Variants in KIF26B observed in about 807,000 individuals in gnomAD.
KIF26B encodes the protein kinesin-like protein KIF26B.
A neutral mutation model predicts 151.2 loss-of-function variants in KIF26B; 63 were observed. That is an observed-to-expected ratio of 0.42 (90% confidence interval 0.34 to 0.51). KIF26B has a LOEUF of 0.51. Among genes scored for constraint, KIF26B ranks in the 20% least tolerant of loss-of-function variants. The probability of loss-of-function intolerance (pLI) is 0.07; values close to 1 mark genes in which losing one functional copy is unlikely to be tolerated. For missense variants in KIF26B, 2,813 were observed against 2,913.6 expected (o/e 0.97, Z 0.79); for synonymous variants, 1,357 against 1,262.1 (o/e 1.08, Z -1.59).
At chr1:245,258,441 G>A (rs1670579268) in intron 2 of KIF26B, among the ~76,000 whole-genome samples, 1 of 152,202 alleles carries the variant, frequency 6.6e-6, no homozygotes, top group Admixed American at 6.5e-5. Context: ...CTCTCACCAA[G>A]CTTCCTTTGC....
intron 4 of KIF26B, among the ~76,000 whole-genome samples, chr1:245,501,332 A>G (rs1178777405): frequency 6.6e-6 from 1 of 152,190 alleles, no homozygotes; most frequent in Non-Finnish European, 1.5e-5. Flanking sequence ...AGTCGTAATG[A>G]GGGTTAAATA....
At chr1:245,359,413 C>G (rs1324707204) in intron 2 of KIF26B, among the ~76,000 whole-genome samples, 1 of 152,164 alleles carries the variant, frequency 6.6e-6, no homozygotes, top group African/African-American at 2.4e-5. Context: ...AATCGAACAT[C>G]TAGCAAAGCC....
intron 2 of KIF26B, among the ~76,000 whole-genome samples, chr1:245,206,112 G>T (rs115387275): frequency 1.3e-5 from 2 of 152,104 alleles, no homozygotes; most frequent in Non-Finnish European, 2.9e-5. Flanking sequence ...GTCCCTCTTT[G>T]TTGACTCATA....
chr1:245,373,969 G>A (rs1400341913), intron 3 of KIF26B, among the ~76,000 whole-genome samples: 1 of 145,208 alleles, frequency 6.9e-6, no homozygotes, highest in African/African-American at 2.5e-5. Context: ...GAGGCGAGAG[G>A]GTTCCTTGAG....
intron 5 of KIF26B, among the ~76,000 whole-genome samples, chr1:245,556,235 CTT>C (rs1208525500): frequency 6.7e-5 from 10 of 149,838 alleles, no homozygotes; most frequent in Non-Finnish European, 1.5e-4. Context: ...TCTTCTTCTT[CTT>C]CTTCCTCCTT....
chr1:245,241,688 G>A lies in KIF26B; in HGVS notation c.465+85005G>A, dbSNP rs924272793. Among the ~76,000 whole-genome samples, 2 of 152,198 alleles carry A rather than the reference G, an allele frequency of 1.3e-5. No individual in the cohort carries two copies. The highest frequency in any genetic ancestry group is 2.9e-5 in the Non-Finnish European group (2 of 68,028). On this transcript the variant is annotated intron_variant, in intron 2 of 14. Transcript: ENST00000407071. The surrounding 1 kb of genome is among the most constrained non-coding windows in gnomAD (Gnocchi z 5.0). Reference sequence around the variant, plus strand: ...CCACGGGAACAGCTGCTATGGCGGCGGACACAGCCCCGTCCAGGGCCCATG... The same window carrying A: ...CCACGGGAACAGCTGCTATGGCGGCAGACACAGCCCCGTCCAGGGCCCATG...
rs1317126847 is a variant in KIF26B at position 245,176,012 on chromosome 1, A to G, written c.465+19329A>G. Among the ~76,000 whole-genome samples, 7 of 150,514 alleles carry G rather than the reference A, an allele frequency of 4.7e-5. No homozygotes were observed. The East Asian group carries it at 1.4e-3, about 29-fold the overall frequency. ...GATATAGATATATAGATATAGATAT[A>G]GATATTTTTTTTGAGACAGAGTCTC... is the stretch of plus-strand genomic sequence containing the variant. On this transcript the variant is annotated intron_variant, in intron 2 of 14. Transcript: ENST00000407071.
chr1:245,233,008 T>G (rs992297389), intron 2 of KIF26B, among the ~76,000 whole-genome samples: 1 of 152,230 alleles, frequency 6.6e-6, no homozygotes, highest in Admixed American at 6.5e-5. Flanking sequence ...AGTTGAAATA[T>G]ATTTGCTATC....
At chr1:245,613,469 G>A (rs1027796836) in intron 9 of KIF26B, among the ~76,000 whole-genome samples, 1 of 152,192 alleles carries the variant, frequency 6.6e-6, no homozygotes, top group Non-Finnish European at 1.5e-5. Context: ...TGGGCGTGGT[G>A]GCACACACCT....
chr1:245,189,024 A>G (rs1669049273), intron 2 of KIF26B, among the ~76,000 whole-genome samples: 1 of 152,224 alleles, frequency 6.6e-6, no homozygotes, highest in Non-Finnish European at 1.5e-5. Flanking sequence ...AGGAAGTAGA[A>G]TGGTGGTTGT....
At chr1:245,387,323 C>T (rs542689030) in intron 3 of KIF26B, among the ~76,000 whole-genome samples, 2 of 152,126 alleles carry the variant, frequency 1.3e-5, no homozygotes, top group South Asian at 4.1e-4. Flanking sequence ...CATCACCCTA[C>T]CTGGCAAATT....
At chr1:245,638,634 T>C (rs2043857954) in intron 9 of KIF26B, among the ~76,000 whole-genome samples, 1 of 151,910 alleles carries the variant, frequency 6.6e-6, no homozygotes, top group African/African-American at 2.4e-5. Context: ...GTGTAATATA[T>C]GACACTTATC....
chr1:245,310,426 T>G (rs1365651348), intron 2 of KIF26B, among the ~76,000 whole-genome samples: 1 of 152,202 alleles, frequency 6.6e-6, no homozygotes, highest in African/African-American at 2.4e-5. Flanking sequence ...ATGGCATACT[T>G]GTAAGCACTT....
chr1:245,158,862 GT>G lies in KIF26B; in HGVS notation c.465+2180del, dbSNP rs1191621327. On this transcript the variant is annotated intron_variant, in intron 2 of 14. Transcript: ENST00000407071. ...ATTGTGTGTGTGTGTGTGTGTGTGT[GT>G]GTGTGTGGTGTGTGTTTTAAGCATT... Among the ~76,000 whole-genome samples, 463 of 50,004 alleles carry G rather than the reference GT, an allele frequency of 9.3e-3. 1 individual carries two copies. Among genetic ancestry groups the G allele is most frequent in the East Asian group, 0.071 (124 of 1,736 alleles). 32.8% of individuals were successfully genotyped at this position (50,004 alleles called of 152,430 possible).
chr1:245,451,786 G>T (rs961767251), intron 4 of KIF26B, among the ~76,000 whole-genome samples: 2 of 151,750 alleles, frequency 1.3e-5, no homozygotes, highest in Non-Finnish European at 2.9e-5. Context: ...TTTTTGTAGA[G>T]ATGGGGTTTC....
intron 2 of KIF26B, among the ~76,000 whole-genome samples, chr1:245,324,813 G>T (rs1671953785): frequency 6.6e-6 from 1 of 152,072 alleles, no homozygotes; most frequent in Non-Finnish European, 1.5e-5. Flanking sequence ...AGAAAATGGG[G>T]GCCGGGCACG....
chr1:245,442,202 TGAAGTCCCCAC>T (rs2103047626), intron 4 of KIF26B, among the ~76,000 whole-genome samples: 1 of 152,330 alleles, frequency 6.6e-6, no homozygotes, highest in East Asian at 1.9e-4. Flanking sequence ...AGTGGCAGGC[TGAAGTCCCCAC>T]GCCTGGTAGC....
chr1:245,367,366 A>G lies in KIF26B; in HGVS notation c.998A>G (p.Gln333Arg), dbSNP rs1470916249. 6.3e-7 allele frequency: 1 copy of G among 1,581,888 alleles called. No homozygotes were observed. The highest frequency in any genetic ancestry group is 8.6e-7 in the Non-Finnish European group (1 of 1,163,278). Residue 333 changes from glutamine (Q) to arginine (R), a missense_variant and splice_region_variant, in exon 3 of 15, where the codon CAG becomes CGG. Around this residue, in one of 3 missense-constraint regions of KIF26B, gnomAD observed 676 missense variants for 688.1 expected, o/e 0.98. Transcript: ENST00000407071. The surrounding 1 kb of genome is among the most constrained non-coding windows in gnomAD (Gnocchi z 4.2). ...RTNGVTLYPY[Q>R]ISQLMTESSR... ...AACGGGGTCACCCTGTACCCATACC[A>G]GGTAAGTAGCCTGTGTGAGCCAGGA...
At chr1:245,267,455 A>G (rs1367915321) in intron 2 of KIF26B, among the ~76,000 whole-genome samples, 1 of 152,194 alleles carries the variant, frequency 6.6e-6, no homozygotes, top group Admixed American at 6.5e-5. Context: ...GCCCTTTCTC[A>G]GTGCAGCAGT....
Sources: gnomAD v4.1 joint callset for allele counts (sites outside exome capture counted in the v4.1 genomes callset) on GRCh38, gnomAD v4.1.1 for gene constraint, gnomAD v4.1.1 regional missense constraint, Gnocchi (gnomAD v3.1) non-coding constraint, MANE v1.5 for transcripts, NCBI Gene and HGNC (gene_info 2026-07-23, HGNC 2026-07-21) for gene names.